MYO16: variants seen among roughly 807,000 people sequenced by gnomAD.
The protein encoded by MYO16 is myosin XVI, also known as unconventional myosin-XVI.
A neutral mutation model predicts 205.3 loss-of-function variants in MYO16; 94 were observed. The ratio of observed to expected loss-of-function variants is 0.46; its 90% confidence interval spans 0.39 to 0.54. The LOEUF (loss-of-function observed/expected upper bound fraction) is 0.54, where lower values mean the gene tolerates loss of function less well. Among genes scored for constraint, MYO16 ranks in the 20% least tolerant of loss-of-function variants. The pLI is 0.00. For missense variants in MYO16, 2,315 were observed against 2,387.5 expected (o/e 0.97, Z 0.63); for synonymous variants, 988 against 954.0 (o/e 1.04, Z -0.66).
chr13:108,622,640 G>T (rs886300179), intron 1 of MYO16, among the ~76,000 whole-genome samples: 79 of 150,072 alleles, frequency 5.3e-4, no homozygotes, highest in Non-Finnish European at 2.8e-4. Flanking sequence ...AAAGGAGGAG[G>T]GGGGAAGGCA....
chr13:108,596,426 A>G (rs571517328), intron 1 of MYO16, among the ~76,000 whole-genome samples: 3 of 152,186 alleles, frequency 2.0e-5, no homozygotes, highest in East Asian at 3.9e-4. Context: ...AGCTAGATTC[A>G]GCTCAGCCTA....
chr13:109,011,498 C>CTTTTTTTTTTTTTTTTTTTTTTTT (rs34575828), intron 22 of MYO16, among the ~76,000 whole-genome samples: 10 of 129,936 alleles, frequency 7.7e-5, no homozygotes, highest in Non-Finnish European at 1.3e-4. Flanking sequence ...TTCTTCCTTT[C>CTTTTTTTTTTTTTTTTTTTTTTTT]TTTTTTTTTT....
chr13:108,611,094 C>A (rs1213406839), intron 1 of MYO16, among the ~76,000 whole-genome samples: 1 of 152,136 alleles, frequency 6.6e-6, no homozygotes, highest in African/African-American at 2.4e-5. Flanking sequence ...GATGTGTATT[C>A]TGCCTAAATT....
At chr13:108,870,438 T>A (rs964588512) in intron 12 of MYO16, among the ~76,000 whole-genome samples, 1 of 152,100 alleles carries the variant, frequency 6.6e-6, no homozygotes, top group Admixed American at 6.5e-5. Flanking sequence ...TTCTAGTCTC[T>A]GAAAGAGTTT....
At chr13:108,526,018 A>T in the MYO16 span, among the ~76,000 whole-genome samples, 1 of 151,638 alleles carries the variant, frequency 6.6e-6, no homozygotes, top group Non-Finnish European at 1.5e-5. Context: ...AATTAATTAC[A>T]GATTGTTTCC....
rs185194690 is a variant in MYO16, at chr13:108,682,472, G to A, written c.292+16323G>A. On this transcript the variant is annotated intron_variant, in intron 2 of 34. Transcript: ENST00000457511. ...TTCCCATTCACTTGTAGTCAGAGCC[G>A]CGGGCACACAGGCTCAAGCCACTCC... Among the ~76,000 whole-genome samples, 330 of 151,894 alleles carry A rather than the reference G, an allele frequency of 2.2e-3. 3 individuals are homozygous for A. The highest frequency in any genetic ancestry group is 7.5e-3 in the African/African-American group (311 of 41,418).
intron 4 of MYO16, among the ~76,000 whole-genome samples, chr13:108,741,118 C>G (rs560383856): frequency 1.3e-5 from 2 of 152,258 alleles, no homozygotes; most frequent in Admixed American, 1.3e-4. Flanking sequence ...TCAGCTCTTA[C>G]TCGGTGGGCT....
chr13:108,782,398 C>A (rs1415289045), intron 4 of MYO16, among the ~76,000 whole-genome samples: 4 of 152,172 alleles, frequency 2.6e-5, no homozygotes, highest in Non-Finnish European at 5.9e-5. Context: ...GTCTAAGCTT[C>A]AAAGCATTCA....
chr13:109,123,731 T>C (rs9301353), intron 29 of MYO16, among the ~76,000 whole-genome samples: 49,371 of 152,082 alleles, frequency 0.32, 8,553 homozygotes, highest in Non-Finnish European at 0.39. Flanking sequence ...ATCCACATAT[T>C]ATTTTCCTGT....
Position 108,844,385 on chromosome 13 carries a change from G to A in MYO16, c.1140G>A (p.Leu380=), listed in dbSNP as rs1877405309. The A allele has an allele frequency of 6.2e-7, 1 of 1,613,210 alleles. No homozygotes were observed. The highest frequency in any genetic ancestry group is 1.3e-5 in the African/African-American group (1 of 74,988). ...CAATTGCCAAGCAAGACAGTTTGTTGGAAAAAGACATTATGTTCAAAGATG... is the reference window on the plus strand; with the variant it reads ...CAATTGCCAAGCAAGACAGTTTGTTAGAAAAAGACATTATGTTCAAAGATG... ...VLPIAKQDSL[L]EKDIMFKDAT... The change falls in exon 10 of 35, where the codon TTG becomes TTA. Residue 380 remains leucine (L), a synonymous_variant. Coordinates refer to ENST00000457511, the MANE Select transcript of MYO16 (RefSeq NM_001198950.3).
chr13:108,632,539 C>T (rs949771601), intron 1 of MYO16, among the ~76,000 whole-genome samples: 4 of 152,146 alleles, frequency 2.6e-5, no homozygotes, highest in African/African-American at 4.8e-5. Flanking sequence ...AAAAATTATA[C>T]GCTTCAAGGT....
the MYO16 span, among the ~76,000 whole-genome samples, chr13:108,517,243 A>G: frequency 6.6e-6 from 1 of 152,254 alleles, no homozygotes; most frequent in Admixed American, 6.5e-5. Context: ...TGTTGTGAAT[A>G]AGGCTGTTAT....
chr13:108,897,530 T>C (rs1434044238), intron 14 of MYO16, among the ~76,000 whole-genome samples: 1 of 152,036 alleles, frequency 6.6e-6, no homozygotes, highest in African/African-American at 2.4e-5. Context: ...GGGGTCAGGG[T>C]TGAAAAAGAG....
chr13:108,933,167 C>A (rs1170862414), intron 16 of MYO16, among the ~76,000 whole-genome samples: 2 of 152,106 alleles, frequency 1.3e-5, no homozygotes, highest in South Asian at 4.2e-4. Context: ...CATTCACTAA[C>A]TGTGTGTGGC....
At chr13:108,732,832 C>T (rs1306792643) in intron 4 of MYO16, among the ~76,000 whole-genome samples, 2 of 152,158 alleles carry the variant, frequency 1.3e-5, no homozygotes, top group Non-Finnish European at 2.9e-5. Flanking sequence ...AAGTGGTTGA[C>T]ATCTGGATAT....
chr13:108,989,625 G>C (rs976464077), intron 20 of MYO16, among the ~76,000 whole-genome samples: 1 of 152,150 alleles, frequency 6.6e-6, no homozygotes, highest in African/African-American at 2.4e-5. Context: ...GAACATCCTT[G>C]TTGATAAGTC....
At chr13:109,002,188 A>G (rs1205331712) in intron 21 of MYO16, among the ~76,000 whole-genome samples, 1 of 152,158 alleles carries the variant, frequency 6.6e-6, no homozygotes, top group Non-Finnish European at 1.5e-5. Context: ...AATTAATTCC[A>G]ATGTGCAGAT....
chr13:108,839,868 C>G (rs1022802189), intron 9 of MYO16, among the ~76,000 whole-genome samples: 5 of 152,182 alleles, frequency 3.3e-5, no homozygotes, highest in Admixed American at 6.5e-5. Flanking sequence ...GGAATAGTAA[C>G]AAGCTAACTT....
At chr13:108,869,103 T>C (rs527902346) in intron 12 of MYO16, among the ~76,000 whole-genome samples, 1 of 152,310 alleles carries the variant, frequency 6.6e-6, no homozygotes, top group Admixed American at 6.5e-5. Context: ...AATTAATTAC[T>C]GGCCTTTTCC....
Sources: gnomAD v4.1 joint callset for allele counts (sites outside exome capture counted in the v4.1 genomes callset) on GRCh38, gnomAD v4.1.1 for gene constraint, MANE v1.5 for transcripts, NCBI Gene and HGNC (gene_info 2026-07-23, HGNC 2026-07-21) for gene names.